Variants in DPP6 observed in about 807,000 individuals in gnomAD.
The protein encoded by DPP6 is dipeptidyl peptidase like 6.
In DPP6, 69 loss-of-function variants were observed where a neutral mutation model predicts 122.6. That is an observed-to-expected ratio of 0.56 (90% CI 0.46 to 0.69). The LOEUF (loss-of-function observed/expected upper bound fraction) is 0.69. Ranked by LOEUF, DPP6 falls within the 30% of genes least tolerant of loss-of-function variation. DPP6 has a pLI of 0.00. For synonymous variants in DPP6, 418 were observed against 433.1 expected (o/e 0.97, Z 0.43); for missense variants, 928 against 1,116.9 (o/e 0.83, Z 2.41).
chr7:154,755,281 A>G lies in DPP6; in HGVS notation c.884-14136A>G, dbSNP rs1843608264. 6.6e-6 allele frequency among the ~76,000 whole-genome samples: 1 copy of G among 151,982 alleles called. No homozygotes were observed. The highest frequency in any genetic ancestry group is 2.4e-5 in the African/African-American group (1 of 41,356). ...GGCCTTATAGACAGTGTCACTTGAT[A>G]GGATGTTTTGAGACCCGGACATCCC... On this transcript the variant is annotated intron_variant, in intron 8 of 25. Coordinates refer to ENST00000377770, the MANE Select transcript of DPP6 (RefSeq NM_130797.4). The surrounding 1 kb of genome is among the most constrained non-coding windows in gnomAD (Gnocchi z 4.7).
intron 16 of DPP6, among the ~76,000 whole-genome samples, chr7:154,842,855 T>C (rs1049596920): frequency 5.9e-5 from 9 of 152,194 alleles, no homozygotes; most frequent in African/African-American, 2.2e-4. Context: ...GGCGTGCCAT[T>C]GTATATTTCA....
rs36198177 is a variant in DPP6 at position 154,369,965 on chromosome 7, CATTTATTTATTT to C, written c.244-76223_244-76212del. Reference sequence around the variant, plus strand: ...ATATTCATGGGATAGCAGATATATGCATTTATTTATTTATTTATTTATTTATTTATTTATTTA... The same window carrying C: ...ATATTCATGGGATAGCAGATATATGCATTTATTTATTTATTTATTTATTTA... On this transcript the variant is annotated intron_variant, in intron 1 of 25. Transcript: ENST00000377770. Among the ~76,000 whole-genome samples the C allele has an allele frequency of 8.0e-4, 117 of 145,932 alleles. 2 individuals carry two copies. The South Asian group carries it at 0.023, about 29-fold the overall frequency.
chr7:153,902,426 T>C (rs1799676667), intron 1 of DPP6, among the ~76,000 whole-genome samples: 1 of 152,182 alleles, frequency 6.6e-6, no homozygotes, highest in Admixed American at 6.5e-5. Context: ...TCTCCCTTGA[T>C]GTTTGCATTT....
At chr7:154,488,320 C>G (rs1256045896) in intron 3 of DPP6, among the ~76,000 whole-genome samples, 1 of 151,982 alleles carries the variant, frequency 6.6e-6, no homozygotes, top group Non-Finnish European at 1.5e-5. Flanking sequence ...AACCCCGTCT[C>G]TACTAAAAAT....
chr7:154,395,311 G>A (rs1448181620), intron 1 of DPP6, among the ~76,000 whole-genome samples: 2 of 152,036 alleles, frequency 1.3e-5, no homozygotes, highest in East Asian at 1.9e-4. Context: ...TACAAATTTT[G>A]GGGGGAAACA....
At chr7:154,689,866 A>G (rs35846610) in intron 7 of DPP6, among the ~76,000 whole-genome samples, 8,271 of 152,266 alleles carry the variant, frequency 0.054, 309 homozygotes, top group African/African-American at 0.1. Flanking sequence ...CTTCTCCTGC[A>G]TTACCACGTG....
chr7:154,370,346 A>G (rs1439627317), intron 1 of DPP6, among the ~76,000 whole-genome samples: 2 of 150,822 alleles, frequency 1.3e-5, no homozygotes, highest in African/African-American at 4.9e-5. Flanking sequence ...TTGTGAATAC[A>G]AGACAGGCCT....
chr7:154,452,553 C>G (rs1472795268), intron 2 of DPP6, among the ~76,000 whole-genome samples: 1 of 152,210 alleles, frequency 6.6e-6, no homozygotes. Context: ...TAGTATTTTT[C>G]AAGTACTACC....
intron 11 of DPP6, 120 bp from the exon 12 acceptor site, chr7:154,795,725 C>A (rs1367848951): frequency 1.4e-6 from 2 of 1,388,142 alleles, no homozygotes; most frequent in Admixed American, 2.2e-5. Context: ...GCTTGTGCAG[C>A]GGCCATGTAG....
intron 5 of DPP6, among the ~76,000 whole-genome samples, chr7:154,585,830 T>C (rs1231511002): frequency 6.6e-6 from 1 of 152,020 alleles, no homozygotes; most frequent in Non-Finnish European, 1.5e-5. Context: ...GATCTCACAA[T>C]ACTCAGGGCC....
chr7:154,222,601 G>T (rs1800369562), intron 1 of DPP6, among the ~76,000 whole-genome samples: 1 of 147,572 alleles, frequency 6.8e-6, no homozygotes, highest in Non-Finnish European at 1.5e-5. Flanking sequence ...GTTGCAGTGA[G>T]CCGAGATCAC....
At chr7:154,147,947 C>T (rs1440362407) in intron 1 of DPP6, among the ~76,000 whole-genome samples, 1 of 151,546 alleles carries the variant, frequency 6.6e-6, no homozygotes, top group African/African-American at 2.4e-5. Context: ...CTTATCTTTC[C>T]TAAATGAACC....
chr7:154,252,133 TC>T (rs1248399695), intron 1 of DPP6, among the ~76,000 whole-genome samples: 2 of 152,168 alleles, frequency 1.3e-5, no homozygotes, highest in Non-Finnish European at 2.9e-5. Flanking sequence ...AATTAACACA[TC>T]CTATTGGTTG....
chr7:154,063,525 G>T (rs1469457075), intron 1 of DPP6, among the ~76,000 whole-genome samples: 2 of 123,536 alleles, frequency 1.6e-5, no homozygotes, highest in Non-Finnish European at 3.5e-5. Context: ...CGCAGGAGGG[G>T]GAGGCACCCC....
intron 6 of DPP6, 85 bp downstream of exon 6, chr7:154,637,958 G>A (rs1253957669): frequency 3.5e-6 from 5 of 1,439,610 alleles, no homozygotes; most frequent in African/African-American, 1.4e-5. Context: ...TTAACCCTTA[G>A]GGCGGGAAAT....
intron 1 of DPP6, among the ~76,000 whole-genome samples, chr7:154,206,685 A>G (rs1799466697): frequency 6.6e-6 from 1 of 152,172 alleles, no homozygotes; most frequent in Non-Finnish European, 1.5e-5. Context: ...GAAATCTTTG[A>G]CATGCCCTAG....
At chr7:154,742,344 T>C (rs1046140988) in intron 8 of DPP6, among the ~76,000 whole-genome samples, 1 of 152,218 alleles carries the variant, frequency 6.6e-6, no homozygotes, top group Non-Finnish European at 1.5e-5. Context: ...TGCAAGATGG[T>C]ATTGAACCAC....
intron 7 of DPP6, among the ~76,000 whole-genome samples, chr7:154,710,243 G>A (rs1420368660): frequency 2.6e-5 from 4 of 152,188 alleles, no homozygotes; most frequent in Non-Finnish European, 4.4e-5. Context: ...GTGCACGAGG[G>A]TCACCAGACT....
At chr7:154,827,767 G>T (rs1800290087) in intron 16 of DPP6, among the ~76,000 whole-genome samples, 2 of 133,028 alleles carry the variant, frequency 1.5e-5, no homozygotes, top group Non-Finnish European at 3.2e-5. Context: ...GTGAGGAGGG[G>T]GTGTCTCCCA....
Sources: gnomAD v4.1 joint callset for allele counts (sites outside exome capture counted in the v4.1 genomes callset) on GRCh38, gnomAD v4.1.1 for gene constraint, Gnocchi (gnomAD v3.1) non-coding constraint, MANE v1.5 for transcripts, NCBI Gene and HGNC (gene_info 2026-07-23, HGNC 2026-07-21) for gene names.